Variants in PXDNL observed in about 807,000 individuals in gnomAD.
The protein encoded by PXDNL is peroxidasin like.
PXDNL carries 145 observed loss-of-function variants against 150.8 expected under a neutral mutation model. That is an observed-to-expected ratio of 0.96 (90% CI 0.84 to 1.10). The LOEUF is 1.10. Among genes scored for constraint, PXDNL ranks in the 50% least tolerant of loss-of-function variants. The pLI is 0.00. For missense variants in PXDNL, 2,087 were observed against 1,873.9 expected (o/e 1.11, Z -2.10); for synonymous variants, 757 against 725.7 (o/e 1.04, Z -0.69).
intron 4 of PXDNL, among the ~76,000 whole-genome samples, chr8:51,536,661 T>G (rs564363675): frequency 9.9e-5 from 15 of 152,196 alleles, no homozygotes; most frequent in African/African-American, 3.6e-4. Flanking sequence ...TTCTTTAAGC[T>G]TTTGGATTCT....
chr8:51,765,385 G>A (rs1350959955), intron 1 of PXDNL, among the ~76,000 whole-genome samples: 1 of 152,032 alleles, frequency 6.6e-6, no homozygotes, highest in African/African-American at 2.4e-5. Context: ...TGATTATGAG[G>A]CCTCCCCAGC....
chr8:51,725,246 C>A (rs1423282383), intron 1 of PXDNL, among the ~76,000 whole-genome samples: 1 of 152,164 alleles, frequency 6.6e-6, no homozygotes, highest in Non-Finnish European at 1.5e-5. Context: ...TCCTCATTCC[C>A]ATGGCACCAT....
chr8:51,747,350 C>T (rs1188955627), intron 1 of PXDNL, among the ~76,000 whole-genome samples: 2 of 152,172 alleles, frequency 1.3e-5, no homozygotes, highest in African/African-American at 4.8e-5. Flanking sequence ...ATCTTTGCCA[C>T]CACCATCAGG....
chr8:51,390,094 A>T (rs1807848301), intron 17 of PXDNL, among the ~76,000 whole-genome samples: 1 of 152,178 alleles, frequency 6.6e-6, no homozygotes, highest in African/African-American at 2.4e-5. Context: ...TAGCTAAAAA[A>T]TGTTATGAAG....
chr8:51,641,847 C>T (rs989462694), intron 2 of PXDNL, among the ~76,000 whole-genome samples: 1 of 152,046 alleles, frequency 6.6e-6, no homozygotes, highest in African/African-American at 2.4e-5. Context: ...CCAGCCATCC[C>T]ATTACTGGGT....
chr8:51,723,461 A>G (rs1816767011), intron 1 of PXDNL, among the ~76,000 whole-genome samples: 1 of 152,240 alleles, frequency 6.6e-6, no homozygotes, highest in Non-Finnish European at 1.5e-5. Flanking sequence ...GCAGTCCTGC[A>G]CGGGCGATAT....
chr8:51,391,360 A>C (rs1201774393), intron 17 of PXDNL, among the ~76,000 whole-genome samples: 3 of 152,142 alleles, frequency 2.0e-5, no homozygotes, highest in Admixed American at 6.5e-5. Flanking sequence ...TCCCACCAAC[A>C]GTGTAAAAGT....
rs1295497997 is a variant in PXDNL at position 51,559,334 on chromosome 8, C to A, written c.309-2423G>T. ...GCTTATTTTTGTTTCTTCCAAACCC[C>A]CCCCCCCCCCGCCACCTTCTTTCCT... On this transcript the variant is annotated intron_variant, in intron 3 of 22. Transcript: ENST00000356297. Among the ~76,000 whole-genome samples the A allele has an allele frequency of 4.2e-3, 275 of 65,238 alleles. 2 individuals are homozygous for A. The highest frequency in any genetic ancestry group is 0.024 in the African/African-American group (190 of 7,812). The allele number at this position is 65,238 out of a possible 152,430, so 42.8% of individuals were successfully genotyped here.
intron 1 of PXDNL, among the ~76,000 whole-genome samples, chr8:51,691,941 C>G (rs993960872): frequency 6.6e-6 from 1 of 152,150 alleles, no homozygotes; most frequent in African/African-American, 2.4e-5. Flanking sequence ...TAATTCAGGT[C>G]TCCATTGAAT....
At position 51,423,603 on chromosome 8, in the gene PXDNL, A is replaced by G. The variant is rs751871613; in HGVS notation, c.1767T>C (p.Ala589=). 1 of 1,613,848 alleles carries G rather than the reference A, an allele frequency of 6.2e-7. No individual in the cohort carries two copies. The highest frequency in any genetic ancestry group is 8.5e-7 in the Non-Finnish European group (1 of 1,179,820). ...ECVARNSFGL[A]VTNMFLTVTA... Reference sequence around the variant, plus strand: ...TGACTGTAAGAAACATGTTGGTCACAGCAAGGCCAAAAGAATTCCGAGCCA... The same window carrying G: ...TGACTGTAAGAAACATGTTGGTCACGGCAAGGCCAAAAGAATTCCGAGCCA... The change falls in exon 14 of 23, where the codon GCT becomes GCC. Residue 589 remains alanine, a synonymous_variant. Transcript: ENST00000356297.
intron 19 of PXDNL, among the ~76,000 whole-genome samples, chr8:51,358,554 AC>A (rs931750779): frequency 2.0e-5 from 3 of 152,162 alleles, no homozygotes; most frequent in African/African-American, 7.2e-5. Context: ...AGGAAAGCTC[AC>A]ATGCCTGTGC....
intron 4 of PXDNL, among the ~76,000 whole-genome samples, chr8:51,526,205 G>A (rs1361222270): frequency 6.6e-6 from 1 of 152,160 alleles, no homozygotes; most frequent in South Asian, 2.1e-4. Context: ...CTGGGCATGG[G>A]GCTGGCGAGG....
chr8:51,409,594 G>A (rs755749072), intron 16 of PXDNL, 33 bp from the exon 17 acceptor site: 14 of 1,517,742 alleles, frequency 9.2e-6, no homozygotes, highest in Non-Finnish European at 1.2e-5. Flanking sequence ...CGTGAGGAGG[G>A]CGGGCCTGGG....
intron 4 of PXDNL, among the ~76,000 whole-genome samples, chr8:51,512,746 C>T (rs558184106): frequency 8.5e-5 from 13 of 152,320 alleles, no homozygotes; most frequent in Admixed American, 5.9e-4. Flanking sequence ...TCTTGACCCT[C>T]GCTGGTGCCC....
intron 17 of PXDNL, among the ~76,000 whole-genome samples, chr8:51,401,657 C>G (rs999058590): frequency 6.6e-5 from 10 of 152,118 alleles, no homozygotes; most frequent in Admixed American, 1.3e-4. Flanking sequence ...GTCTGAGATG[C>G]CAGCGAGGAA....
intron 10 of PXDNL, among the ~76,000 whole-genome samples, chr8:51,451,602 T>A (rs1158873078): frequency 6.6e-6 from 1 of 152,228 alleles, no homozygotes; most frequent in African/African-American, 2.4e-5. Context: ...TAGGCCTTTT[T>A]ACCTATATGT....
At chr8:51,798,969 T>A (rs997082677) in intron 1 of PXDNL, among the ~76,000 whole-genome samples, 4 of 152,180 alleles carry the variant, frequency 2.6e-5, no homozygotes, top group Non-Finnish European at 4.4e-5. Flanking sequence ...TCACAATAGT[T>A]AAGACATGGA....
chr8:51,427,479 A>G (rs904641966), intron 12 of PXDNL, among the ~76,000 whole-genome samples: 3 of 152,194 alleles, frequency 2.0e-5, no homozygotes, highest in South Asian at 2.1e-4. Flanking sequence ...TCTTATGAAC[A>G]TATATACAAA....
At chr8:51,738,330 G>A (rs955489133) in intron 1 of PXDNL, among the ~76,000 whole-genome samples, 1 of 152,138 alleles carries the variant, frequency 6.6e-6, no homozygotes, top group African/African-American at 2.4e-5. Flanking sequence ...TTCAGCCAAA[G>A]CCACCATCTT....
Sources: gnomAD v4.1 joint callset for allele counts (sites outside exome capture counted in the v4.1 genomes callset) on GRCh38, gnomAD v4.1.1 for gene constraint, MANE v1.5 for transcripts, NCBI Gene and HGNC (gene_info 2026-07-23, HGNC 2026-07-21) for gene names.